The following ARHGAP24 variants were observed in gnomAD, a reference collection of about 807,000 sequenced individuals.
The protein encoded by ARHGAP24 is Rho GTPase activating protein 24.
Under a neutral mutation model 76.4 loss-of-function variants are expected in ARHGAP24, and 50 were observed. The observed-to-expected ratio is 0.65, with a 90% CI of 0.52 to 0.83. The LOEUF is 0.83. Ranked by LOEUF, ARHGAP24 falls within the 40% of genes least tolerant of loss-of-function variation. The pLI is 0.00. For synonymous variants in ARHGAP24, 345 were observed against 323.3 expected (o/e 1.07, Z -0.72); for missense variants, 930 against 914.2 (o/e 1.02, Z -0.22).
intron 4 of ARHGAP24, among the ~76,000 whole-genome samples, chr4:85,934,191 AT>A (rs1736503127): frequency 6.6e-6 from 1 of 152,218 alleles, no homozygotes; most frequent in Non-Finnish European, 1.5e-5. Flanking sequence ...CAGCTCAAAG[AT>A]TTTTATGATC....
intron 1 of ARHGAP24, among the ~76,000 whole-genome samples, chr4:85,492,468 A>G (rs2110094229): frequency 6.6e-6 from 1 of 152,304 alleles, no homozygotes; most frequent in African/African-American, 2.4e-5. Flanking sequence ...TGGTTTGATA[A>G]ATATTACTGT....
At chr4:85,718,717 T>C (rs1345060790) in intron 2 of ARHGAP24, among the ~76,000 whole-genome samples, 1 of 152,154 alleles carries the variant, frequency 6.6e-6, no homozygotes, top group Non-Finnish European at 1.5e-5. Context: ...AAACTACTAT[T>C]TTTATGTTAC....
At chr4:85,812,101 G>A (rs773382634) in intron 3 of ARHGAP24, among the ~76,000 whole-genome samples, 1 of 152,074 alleles carries the variant, frequency 6.6e-6, no homozygotes, top group Admixed American at 6.5e-5. Context: ...GCTTGAACTC[G>A]GGAGGCAGAG....
chr4:85,894,238 A>T (rs1308062717), intron 3 of ARHGAP24, among the ~76,000 whole-genome samples: 1 of 152,128 alleles, frequency 6.6e-6, no homozygotes, highest in African/African-American at 2.4e-5. Context: ...GAAGAGAGGG[A>T]GATGTCAAAT....
intron 2 of ARHGAP24, among the ~76,000 whole-genome samples, chr4:85,624,941 T>C (rs78517766): frequency 1 from 152,143 of 152,192 alleles, 76,047 homozygotes; most frequent in African/African-American, 1. Context: ...TTTTTTATTG[T>C]GTCTATTTGA....
At chr4:85,966,040 T>C (rs1738572854) in intron 5 of ARHGAP24, among the ~76,000 whole-genome samples, 1 of 152,092 alleles carries the variant, frequency 6.6e-6, no homozygotes, top group Non-Finnish European at 1.5e-5. Flanking sequence ...AAATTGGAAA[T>C]CTAAGATCAG....
At chr4:85,722,779 T>A (rs1725004095) in intron 3 of ARHGAP24, among the ~76,000 whole-genome samples, 1 of 152,228 alleles carries the variant, frequency 6.6e-6, no homozygotes, top group Non-Finnish European at 1.5e-5. Flanking sequence ...AATATTGATA[T>A]TGATTTGATC....
At chr4:85,875,586 AT>A (rs35899794) in intron 3 of ARHGAP24, among the ~76,000 whole-genome samples, 1,962 of 100,754 alleles carry the variant, frequency 0.019, 52 homozygotes, top group South Asian at 0.089. Context: ...TATAATATAT[AT>A]TTTATATTAT....
intron 2 of ARHGAP24, among the ~76,000 whole-genome samples, chr4:85,692,867 A>G (rs1723720028): frequency 6.6e-6 from 1 of 152,168 alleles, no homozygotes; most frequent in Admixed American, 6.5e-5. Flanking sequence ...AAGTGAGGGG[A>G]CACTCTTGCT....
In ARHGAP24 at chr4:85,571,283, GTTCT is replaced by G. The variant is rs1727130668; in HGVS notation, c.180+565_180+568del. On this transcript the variant is annotated intron_variant, in intron 2 of 9. Transcript: ENST00000395184. ...TCTGTTGCTTTGTAGTTCCTTAGTG[GTTCT>G]TTATTTGCTTATTTACTTATTTTCT... is the stretch of plus-strand genomic sequence containing the variant. 2.6e-5 allele frequency among the ~76,000 whole-genome samples: 4 copies of G among 152,254 alleles called. No individual in the cohort carries two copies. The South Asian group carries it at 8.3e-4, about 32-fold the overall frequency.
intron 3 of ARHGAP24, among the ~76,000 whole-genome samples, chr4:85,895,699 C>T (rs190154988): frequency 2.3e-3 from 349 of 152,114 alleles, no homozygotes; most frequent in Non-Finnish European, 3.6e-3. Flanking sequence ...AGAGGTGATT[C>T]TAGGCACAAA....
intron 1 of ARHGAP24, among the ~76,000 whole-genome samples, chr4:85,547,019 A>C (rs538221740): frequency 6.6e-6 from 1 of 152,316 alleles, no homozygotes; most frequent in East Asian, 1.9e-4. Flanking sequence ...GAACAAGTAC[A>C]ATTTCTGTCA....
chr4:85,556,230 G>C (rs965516991), intron 1 of ARHGAP24, among the ~76,000 whole-genome samples: 1 of 152,062 alleles, frequency 6.6e-6, no homozygotes, highest in South Asian at 2.1e-4. Flanking sequence ...AAACCCTCAG[G>C]TTCTTTATTT....
intron 1 of ARHGAP24, among the ~76,000 whole-genome samples, chr4:85,547,366 A>G (rs532890319): frequency 4.5e-4 from 68 of 152,326 alleles, no homozygotes; most frequent in African/African-American, 1.6e-3. Flanking sequence ...CAAGAATACT[A>G]CAGAAGTGAT....
chr4:85,482,809 G>GGGTTTGGT (rs1439840983), intron 1 of ARHGAP24, among the ~76,000 whole-genome samples: 46 of 152,184 alleles, frequency 3.0e-4, no homozygotes, highest in African/African-American at 9.4e-4. Flanking sequence ...CTCTCTTATA[G>GGGTTTGGT]ATGGAAAAAC....
chr4:85,607,003 A>T (rs539844928), intron 2 of ARHGAP24, among the ~76,000 whole-genome samples: 2 of 152,350 alleles, frequency 1.3e-5, no homozygotes, highest in Non-Finnish European at 2.9e-5. Context: ...GGATTGCTAG[A>T]ACTTTATGAA....
At chr4:85,627,019 A>T (rs1720981243) in intron 2 of ARHGAP24, among the ~76,000 whole-genome samples, 1 of 151,916 alleles carries the variant, frequency 6.6e-6, no homozygotes, top group African/African-American at 2.4e-5. Context: ...CATTGGTTCG[A>T]ATTTCCTCCT....
chr4:85,571,701 C>CT lies in ARHGAP24; in HGVS notation c.180+989dup, dbSNP rs888516656. 2.9e-4 allele frequency among the ~76,000 whole-genome samples: 44 copies of CT among 151,140 alleles called. 1 individual carries two copies. Among genetic ancestry groups the CT allele is most frequent in the Admixed American group, 5.3e-4 (8 of 15,152 alleles). On this transcript the variant is annotated intron_variant, in intron 2 of 9. Transcript: ENST00000395184. ...AAAAATACATGCTACAAACCTTGGT[C>CT]TTTTTTTTTGAAATTGCTACTACTT...
At chr4:85,692,159 A>G (rs1050780407) in intron 2 of ARHGAP24, among the ~76,000 whole-genome samples, 2 of 152,088 alleles carry the variant, frequency 1.3e-5, no homozygotes, top group Non-Finnish European at 1.5e-5. Context: ...TGGACCCCCA[A>G]TCTCTTCTGG....
Sources: allele counts gnomAD v4.1 joint callset (sites outside exome capture counted in the v4.1 genomes callset), GRCh38; gene constraint gnomAD v4.1.1; transcripts MANE v1.5; gene names NCBI Gene and HGNC (gene_info 2026-07-23, HGNC 2026-07-21).